FOCAD: variants seen among roughly 807,000 people sequenced by gnomAD.
The protein encoded by FOCAD is focadhesin.
Under a neutral mutation model 225.6 loss-of-function variants are expected in FOCAD, and 198 were observed. That is an observed-to-expected ratio of 0.88 (90% CI 0.78 to 0.99). The LOEUF is 0.99. Among genes scored for constraint, FOCAD ranks in the 50% least tolerant of loss-of-function variants. FOCAD has a pLI of 0.00. For synonymous variants in FOCAD, 897 were observed against 755.0 expected, an observed-to-expected ratio of 1.19 and a Z score of -3.08; for missense variants, 2,713 against 2,123.6, an observed-to-expected ratio of 1.28 and a Z score of -5.46.
At chr9:20,714,698 T>G (rs1204308264) in intron 1 of FOCAD, among the ~76,000 whole-genome samples, 1 of 147,132 alleles carries the variant, frequency 6.8e-6, no homozygotes, top group Non-Finnish European at 1.5e-5. Flanking sequence ...CTTCCTTCCT[T>G]CCTCTCTCTT....
At chr9:20,753,323 A>G (rs1489087720) in intron 5 of FOCAD, among the ~76,000 whole-genome samples, 2 of 151,896 alleles carry the variant, frequency 1.3e-5, no homozygotes, top group Admixed American at 6.6e-5. Context: ...TATTATTTTG[A>G]AATACGTCCC....
intron 4 of FOCAD, among the ~76,000 whole-genome samples, chr9:20,727,867 C>T (rs1480411786): frequency 6.6e-6 from 1 of 152,150 alleles, no homozygotes; most frequent in East Asian, 1.9e-4. Flanking sequence ...AAACCCAAAC[C>T]CTTTTAATTC....
intron 2 of FOCAD, among the ~76,000 whole-genome samples, chr9:20,660,278 A>C (rs1821674077): frequency 6.6e-6 from 1 of 152,226 alleles, no homozygotes; most frequent in African/African-American, 2.4e-5. Context: ...TTTGGATGTC[A>C]CATATCCTTA....
chr9:20,791,425 T>A (rs919403948), intron 11 of FOCAD, among the ~76,000 whole-genome samples: 1 of 152,168 alleles, frequency 6.6e-6, no homozygotes, highest in East Asian at 1.9e-4. Context: ...TGTGCAATGA[T>A]CAAATCAGGG....
At chr9:20,740,473 C>A in intron 5 of FOCAD, 133 bp downstream of exon 5, 1 of 519,176 alleles carries the variant, frequency 1.9e-6, no homozygotes, top group Non-Finnish European at 3.4e-6. Flanking sequence ...TGGGTGTTGA[C>A]CTCTCAGGAA....
At chr9:20,855,060 A>G (rs1828030238) in intron 15 of FOCAD, among the ~76,000 whole-genome samples, 1 of 151,800 alleles carries the variant, frequency 6.6e-6, no homozygotes, top group Non-Finnish European at 1.5e-5. Flanking sequence ...AAAGGAAAAA[A>G]TGTTATATCT....
chr9:20,836,468 T>G (rs1826000351), intron 15 of FOCAD, among the ~76,000 whole-genome samples: 1 of 152,134 alleles, frequency 6.6e-6, no homozygotes, highest in Non-Finnish European at 1.5e-5. Flanking sequence ...AGAATGAATT[T>G]GTTGGTCTTT....
At chr9:20,744,322 AC>A (rs1827872024) in intron 5 of FOCAD, among the ~76,000 whole-genome samples, 1 of 152,178 alleles carries the variant, frequency 6.6e-6, no homozygotes, top group South Asian at 2.1e-4. Context: ...TGGTTTACTG[AC>A]CAGGCTTTGA....
At chr9:20,755,444 C>G (rs1828962036) in intron 5 of FOCAD, among the ~76,000 whole-genome samples, 1 of 152,128 alleles carries the variant, frequency 6.6e-6, no homozygotes, top group South Asian at 2.1e-4. Flanking sequence ...CACTTTTAAT[C>G]TCATTTTATA....
rs142166119 is a variant in FOCAD at position 20,758,156 on chromosome 9, G to A, written c.459G>A (p.Gln153=). Residue 153 remains glutamine (Q), a synonymous_variant, in exon 6 of 44, where the codon CAG becomes CAA. Transcript: ENST00000338382. The part of the protein sequence containing the change: ...HRPDCWPVFL[Q]QLTAFFQQCP... Reference sequence around the variant, plus strand: ...CTGATTGCTGGCCAGTGTTTTTGCAGCAGCTGACAGCGTTTTTCCAGCAGT... The same window carrying A: ...CTGATTGCTGGCCAGTGTTTTTGCAACAGCTGACAGCGTTTTTCCAGCAGT... 3.1e-6 allele frequency: 5 copies of A among 1,612,034 alleles called. No homozygotes were observed. Among genetic ancestry groups the A allele is most frequent in the Non-Finnish European group, 4.2e-6 (5 of 1,179,200 alleles).
chr9:20,661,934 T>A (rs558550800), intron 2 of FOCAD, among the ~76,000 whole-genome samples: 1 of 152,230 alleles, frequency 6.6e-6, no homozygotes, highest in South Asian at 2.1e-4. Context: ...AGGAAATTCT[T>A]TATATATTGA....
chr9:20,955,495 A>T (rs1438449839), intron 35 of FOCAD, among the ~76,000 whole-genome samples: 4 of 149,214 alleles, frequency 2.7e-5, no homozygotes, highest in Non-Finnish European at 5.9e-5. Flanking sequence ...TAAATAATTC[A>T]ATTCATGGTT....
At chr9:20,804,204 T>C (rs1189928831) in intron 11 of FOCAD, among the ~76,000 whole-genome samples, 1 of 152,120 alleles carries the variant, frequency 6.6e-6, no homozygotes, top group Non-Finnish European at 1.5e-5. Context: ...GGTGACATCA[T>C]ATTGTCTTTA....
chr9:20,982,262 G>C, intron 38 of FOCAD, 95 bp from the exon 39 acceptor site: 1 of 874,380 alleles, frequency 1.1e-6, no homozygotes, highest in Non-Finnish European at 1.8e-6. Flanking sequence ...ATCAGCTGCT[G>C]TTCATGGGGA....
At chr9:20,789,721 GA>G (rs1219038594) in intron 11 of FOCAD, 113 bp downstream of exon 11, 4 of 1,250,728 alleles carry the variant, frequency 3.2e-6, no homozygotes, top group African/African-American at 1.5e-5. Flanking sequence ...ATGGGTTGAT[GA>G]TTTTTTTTTT....
rs200825871 is a variant in FOCAD at position 20,948,329 on chromosome 9, A to C, written c.3734A>C (p.His1245Pro). 2.0e-5 allele frequency: 33 copies of C among 1,612,530 alleles called. No homozygotes were observed. Among genetic ancestry groups the C allele is most frequent in the Non-Finnish European group, 2.5e-5 (30 of 1,179,060 alleles). ...NIVHGLSVCG[H>P]GKAEDLGSKL... ...GTTCATGGATTGTCTGTGTGTGGACATGGAAAAGCTGAAGACTTGGGCAGC... is the reference window on the plus strand; with the variant it reads ...GTTCATGGATTGTCTGTGTGTGGACCTGGAAAAGCTGAAGACTTGGGCAGC... Residue 1245 changes from histidine to proline, a missense_variant, in exon 31 of 44, where the codon CAT (histidine) becomes CCT (proline). Coordinates refer to ENST00000338382, the MANE Select transcript of FOCAD (RefSeq NM_001375567.1).
intron 15 of FOCAD, among the ~76,000 whole-genome samples, chr9:20,859,727 T>C (rs1186473336): frequency 6.8e-6 from 1 of 147,596 alleles, no homozygotes; most frequent in Non-Finnish European, 1.5e-5. Context: ...TATATATATA[T>C]AAAAAGAAGT....
At chr9:20,701,239 G>A (rs1476001879) in intron 1 of FOCAD, among the ~76,000 whole-genome samples, 3 of 152,176 alleles carry the variant, frequency 2.0e-5, no homozygotes, top group Non-Finnish European at 4.4e-5. Context: ...AACATGCATT[G>A]GCTTCCTTTT....
At chr9:20,852,487 TAGA>T (rs967156333) in intron 15 of FOCAD, among the ~76,000 whole-genome samples, 10 of 151,626 alleles carry the variant, frequency 6.6e-5, no homozygotes, top group Non-Finnish European at 1.5e-4. Context: ...GGTGGGAGGA[TAGA>T]AGAATCATTT....
Sources: gnomAD v4.1 joint callset for allele counts (sites outside exome capture counted in the v4.1 genomes callset) on GRCh38, gnomAD v4.1.1 for gene constraint, MANE v1.5 for transcripts, NCBI Gene and HGNC (gene_info 2026-07-23, HGNC 2026-07-21) for gene names.